Variants in MYOC observed in about 807,000 individuals in gnomAD.
The protein encoded by MYOC is myocilin, also known as juvenile-onset open-angle glaucoma 1.
Under a neutral mutation model 28.2 loss-of-function variants are expected in MYOC, and 29 were observed. The ratio of observed to expected loss-of-function variants is 1.03; its 90% confidence interval spans 0.77 to 1.40. MYOC has a LOEUF of 1.40. Ranked by LOEUF, MYOC falls within the 40% of genes most tolerant of loss-of-function variation. The pLI, the probability that MYOC is intolerant of heterozygous loss-of-function variation, is 0.00. For missense variants in MYOC, 569 were observed against 620.6 expected (o/e 0.92, Z 0.88); for synonymous variants, 240 against 245.6 (o/e 0.98, Z 0.21).
At position 171,635,731 on chromosome 1, in the gene MYOC, G is replaced by A. The variant is rs1652901813; in HGVS notation, c.*194C>T. On this transcript the variant is annotated 3_prime_UTR_variant, in exon 3 of 3. Coordinates refer to ENST00000037502, the MANE Select transcript of MYOC (RefSeq NM_000261.2). ...AGAAGATAAAGGATATTTATTATAT[G>A]AAATTGTCTACGCCCTCAGACTACA... 1 of 616,282 alleles carries A rather than the reference G, an allele frequency of 1.6e-6. No homozygotes were observed. Among genetic ancestry groups the A allele is most frequent in the Non-Finnish European group, 2.9e-6 (1 of 349,638 alleles). The allele number at this position is 616,282 out of a possible 1,614,324, so 38.2% of individuals were successfully genotyped here.
In MYOC at chr1:171,638,730, A is replaced by G. The variant is rs1652993300; in HGVS notation, c.605-8T>C. The G allele has an allele frequency of 6.2e-7, 1 of 1,613,934 alleles. No individual in the cohort carries two copies. ...CCAAATTCCACGTAGAAACTGCATT[A>G]AAAGAAAGAGACAAAATTTTACTGT... On this transcript the variant is annotated splice_region_variant and splice_polypyrimidine_tract_variant and intron_variant, in intron 1 of 2. Coordinates refer to ENST00000037502, the MANE Select transcript of MYOC (RefSeq NM_000261.2).
In MYOC at chr1:171,652,618, G is replaced by A. The variant is rs760713735; in HGVS notation, c.-7C>T. The A allele has an allele frequency of 1.2e-6, 2 of 1,613,852 alleles. No individual in the cohort carries two copies. The highest frequency in any genetic ancestry group is 1.7e-6 in the Non-Finnish European group (2 of 1,180,040). ...GTGCACAGAAGAACCTCATTGCAGA[G>A]GCTTGGTGAGGCTTCCTCTGGAAAG... On this transcript the variant is annotated 5_prime_UTR_variant, in exon 1 of 3. Coordinates refer to ENST00000037502, the MANE Select transcript of MYOC (RefSeq NM_000261.2).
rs201206951 is a variant in MYOC, at chr1:171,636,439, A to G, written c.1001T>C (p.Leu334Pro). ...TCTGGACTCAGCGCCCTGGAAATAG[A>G]GGCTCCCCGAGTACACCACAGCACC... The part of the protein sequence containing the change: ...STGAVVYSGS[L>P]YFQGAESRTV... Residue 334 changes from leucine (L) to proline (P), a missense_variant, in exon 3 of 3, where the codon CTC becomes CCC. Leu to Pro is a moderately conservative substitution (Grantham distance 98). Coordinates refer to ENST00000037502, the MANE Select transcript of MYOC (RefSeq NM_000261.2). The G allele has an allele frequency of 3.7e-5, 60 of 1,613,992 alleles. No homozygotes were observed. Among genetic ancestry groups the G allele is most frequent in the Non-Finnish European group, 4.4e-5 (52 of 1,180,032 alleles).
chr1:171,652,476 G>T lies in MYOC; in HGVS notation c.136C>A (p.Arg46=), dbSNP rs74315337. ...QLRKANDQSG[R]CQYTFSVASP... is the part of the protein sequence containing the mutation. ...GCCACACTGAAGGTATACTGGCATC[G>T]GCCACTCTGGTCATTGGCCTTCCTG... Residue 46 remains arginine, a synonymous_variant, in exon 1 of 3, where the codon CGA becomes AGA. Coordinates refer to ENST00000037502, the MANE Select transcript of MYOC (RefSeq NM_000261.2). 6 of 1,614,154 alleles carry T rather than the reference G, an allele frequency of 3.7e-6. No homozygotes were observed. In the South Asian group the frequency reaches 6.6e-5, roughly 18 times the overall value.
rs145354114 is a variant in MYOC at position 171,652,246 on chromosome 1, G to T, written c.366C>A (p.Gly122=). Residue 122 remains glycine (G), a synonymous_variant, in exon 1 of 3, where the codon GGC becomes GGA. Coordinates refer to ENST00000037502, the MANE Select transcript of MYOC (RefSeq NM_000261.2). ...ETQEGLQREL[G]TLRRERDQLE... Reference sequence around the variant, plus strand: ...GCTGGTCCCGCTCCCGCCTCAGGGTGCCCAGCTCCCTCTGCAGCCCCTCCT... The same window carrying T: ...GCTGGTCCCGCTCCCGCCTCAGGGTTCCCAGCTCCCTCTGCAGCCCCTCCT... 1 of 1,614,174 alleles carries T rather than the reference G, an allele frequency of 6.2e-7. No individual in the cohort carries two copies. Among genetic ancestry groups the T allele is most frequent in the Admixed American group, 1.7e-5 (1 of 60,022 alleles).
chr1:171,646,397 G>T (rs12075365), intron 1 of MYOC, among the ~76,000 whole-genome samples: 3,835 of 152,164 alleles, frequency 0.025, 172 homozygotes, highest in African/African-American at 0.086. Flanking sequence ...ATTTCATTGT[G>T]AATGTGGAGG....
intron 1 of MYOC, among the ~76,000 whole-genome samples, chr1:171,645,008 G>A (rs189464247): frequency 6.6e-5 from 10 of 152,234 alleles, no homozygotes; most frequent in Admixed American, 6.5e-4. Flanking sequence ...AGTTATAAAC[G>A]CATTGCCTCT....
intron 1 of MYOC, among the ~76,000 whole-genome samples, chr1:171,649,561 C>T (rs1483801459): frequency 1.3e-5 from 2 of 152,132 alleles, no homozygotes; most frequent in Non-Finnish European, 2.9e-5. Context: ...TTTGGAAGGC[C>T]GAGGTCGGCA....
Position 171,652,446 on chromosome 1 carries a change from G to A in MYOC, c.166C>T (p.Pro56Ser). 4 of 1,614,202 alleles carry A rather than the reference G, an allele frequency of 2.5e-6. No individual in the cohort carries two copies. Among genetic ancestry groups the A allele is most frequent in the Non-Finnish European group, 3.4e-6 (4 of 1,180,044 alleles). The change falls in exon 1 of 3, where the codon CCC (proline) becomes TCC (serine). Residue 56 changes from proline to serine, a missense_variant. Transcript: ENST00000037502. ...RCQYTFSVAS[P>S]NESSCPEQSQ... ...TGCTCTGGGCAGCTGGATTCATTGG[G>A]ACTGGCCACACTGAAGGTATACTGG...
At chr1:171,649,056 A>G (rs1653290696) in intron 1 of MYOC, among the ~76,000 whole-genome samples, 4 of 151,798 alleles carry the variant, frequency 2.6e-5, no homozygotes, top group Admixed American at 1.3e-4. Flanking sequence ...ATATATATGA[A>G]AATTTATATA....
chr1:171,635,878 GC>G lies in MYOC; in HGVS notation c.*46del. 1 of 1,604,986 alleles carries G rather than the reference GC, an allele frequency of 6.2e-7. No homozygotes were observed. Among genetic ancestry groups the G allele is most frequent in the Non-Finnish European group, 8.5e-7 (1 of 1,174,274 alleles). ...TCCCTTCAGCCTGCTCCCCCCAGGA[GC>G]CCTGAGCATCTCCTTCTGCCATTGC... On this transcript the variant is annotated 3_prime_UTR_variant, in exon 3 of 3. Coordinates refer to ENST00000037502, the MANE Select transcript of MYOC (RefSeq NM_000261.2).
intron 1 of MYOC, among the ~76,000 whole-genome samples, chr1:171,646,659 G>A (rs1558088862): frequency 6.6e-6 from 1 of 151,868 alleles, no homozygotes; most frequent in Non-Finnish European, 1.5e-5. Context: ...ACCACGCCTG[G>A]CTAATTTTTG....
At chr1:171,636,911 C>T (rs993213169) in intron 2 of MYOC, among the ~76,000 whole-genome samples, 1 of 152,104 alleles carries the variant, frequency 6.6e-6, no homozygotes, top group African/African-American at 2.4e-5. Flanking sequence ...TCAGTTATCG[C>T]ATTTGTAAAA....
At chr1:171,639,132 T>C (rs1161907727) in intron 1 of MYOC, among the ~76,000 whole-genome samples, 1 of 152,062 alleles carries the variant, frequency 6.6e-6, no homozygotes, top group Non-Finnish European at 1.5e-5. Flanking sequence ...CTCCCAAAGA[T>C]ATGGTGTTTG....
chr1:171,652,346 T>G lies in MYOC; in HGVS notation c.266A>C (p.Lys89Thr), dbSNP rs1377689688. ...GCTCTCCAGGGAGCTGAGTCGAGCT[T>G]TGGTGGCCTCCAGGTCTAAGCGTTG... ...STQRLDLEAT[K>T]ARLSSLESLL... The change falls in exon 1 of 3, where the codon AAA (lysine) becomes ACA (threonine). Residue 89 changes from lysine (K) to threonine (T), a missense_variant. Transcript: ENST00000037502. The G allele has an allele frequency of 6.2e-7, 1 of 1,610,198 alleles. No individual in the cohort carries two copies. Among genetic ancestry groups the G allele is most frequent in the South Asian group, 1.1e-5 (1 of 90,908 alleles).
chr1:171,649,123 A>G (rs188812516), intron 1 of MYOC, among the ~76,000 whole-genome samples: 4 of 152,282 alleles, frequency 2.6e-5, no homozygotes, highest in East Asian at 1.9e-4. Flanking sequence ...GTAGTAAAAT[A>G]TGTCATATTA....
rs763630456 is a variant in MYOC, at chr1:171,652,000, A to G, written c.604+8T>C. 2.5e-6 allele frequency: 4 copies of G among 1,614,168 alleles called. No individual in the cohort carries two copies. The highest frequency in any genetic ancestry group is 3.4e-6 in the Non-Finnish European group (4 of 1,180,028). On this transcript the variant is annotated splice_region_variant and intron_variant, in intron 1 of 2. Coordinates refer to ENST00000037502, the MANE Select transcript of MYOC (RefSeq NM_000261.2). ...TGAACTCAGAGTCCCCCCACTCTGC[A>G]TTCTTACCTTCTCTGGAGCCTGGTG... is the stretch of plus-strand genomic sequence containing the variant.
At chr1:171,642,118 G>A (rs1653089685) in intron 1 of MYOC, among the ~76,000 whole-genome samples, 1 of 152,226 alleles carries the variant, frequency 6.6e-6, no homozygotes, top group African/African-American at 2.4e-5. Flanking sequence ...GGGCCAGACA[G>A]CCATGCTGCC....
intron 1 of MYOC, among the ~76,000 whole-genome samples, chr1:171,650,712 T>C (rs186855832): frequency 2.0e-5 from 3 of 152,340 alleles, no homozygotes; most frequent in Non-Finnish European, 2.9e-5. Flanking sequence ...TTCAAGCCTA[T>C]AGAAAAACTG....
Sources: gnomAD v4.1 joint callset for allele counts (sites outside exome capture counted in the v4.1 genomes callset) on GRCh38, gnomAD v4.1.1 for gene constraint, MANE v1.5 for transcripts, NCBI Gene and HGNC (gene_info 2026-07-23, HGNC 2026-07-21) for gene names.